RNF212: variants seen among roughly 807,000 people sequenced by gnomAD.
RNF212 encodes probable E3 SUMO-protein ligase RNF212.
A neutral mutation model predicts 34.7 loss-of-function variants in RNF212; 33 were observed. The observed-to-expected ratio is 0.95, with a 90% CI of 0.72 to 1.27. The LOEUF (loss-of-function observed/expected upper bound fraction) is 1.27, where lower values mean the gene tolerates loss of function less well. Ranked by LOEUF, RNF212 falls within the 50% of genes most tolerant of loss-of-function variation. The pLI, the probability that RNF212 is intolerant of heterozygous loss-of-function variation, is 0.00. For synonymous variants in RNF212, 140 were observed against 136.1 expected, an observed-to-expected ratio of 1.03 and a Z score of -0.20; for missense variants, 377 against 362.2, an observed-to-expected ratio of 1.04 and a Z score of -0.33.
intron 4 of RNF212, 39 bp downstream of exon 4, chr4:1,090,743 T>C (rs372117752): frequency 1.0e-5 from 12 of 1,144,370 alleles, no homozygotes; most frequent in Non-Finnish European, 1.6e-5. Context: ...AATCTAAAGG[T>C]CAAAAAAATT....
intron 3 of RNF212, among the ~76,000 whole-genome samples, chr4:1,066,207 G>C (rs867478954): frequency 6.6e-6 from 1 of 151,802 alleles, no homozygotes; most frequent in Non-Finnish European, 1.5e-5. Context: ...ACATGCATGA[G>C]CCACTATACC....
chr4:1,098,027 T>TGCACTCCA (rs1251280489), intron 2 of RNF212, among the ~76,000 whole-genome samples: 1 of 152,186 alleles, frequency 6.6e-6, no homozygotes, highest in African/African-American at 2.4e-5. Flanking sequence ...ATCATGCCAC[T>TGCACTCCA]GCACTCCAGC....
intron 8 of RNF212, among the ~76,000 whole-genome samples, chr4:1,077,889 G>GGTGGGT (rs1719582329): frequency 6.6e-6 from 1 of 152,212 alleles, no homozygotes; most frequent in Admixed American, 6.5e-5. Flanking sequence ...CCGTGTTGCC[G>GGTGGGT]GTGGGTGTGG....
intron 2 of RNF212, among the ~76,000 whole-genome samples, chr4:1,106,727 A>T (rs1724887380): frequency 6.6e-6 from 1 of 152,222 alleles, no homozygotes; most frequent in Non-Finnish European, 1.5e-5. Flanking sequence ...TACAGGGCTT[A>T]GTGCGAGGGT....
intron 3 of RNF212, among the ~76,000 whole-genome samples, 189 bp from the exon 4 acceptor site, chr4:1,091,027 G>C (rs1193240135): frequency 6.6e-6 from 1 of 152,224 alleles, no homozygotes. Context: ...ACACAGGGGA[G>C]GCTTAATGGG....
At chr4:1,060,859 C>A (rs1717703913) in intron 3 of RNF212, among the ~76,000 whole-genome samples, 1 of 152,240 alleles carries the variant, frequency 6.6e-6, no homozygotes, top group South Asian at 2.1e-4. Flanking sequence ...GGCCCGCCTG[C>A]CACTCCAGCA....
At chr4:1,066,079 C>G (rs55852307) in intron 3 of RNF212, among the ~76,000 whole-genome samples, 118,811 of 149,226 alleles carry the variant, frequency 0.8, 47,832 homozygotes, top group African/African-American at 0.89. Context: ...TAATGAGATA[C>G]TATCTTGCTG....
At chr4:1,064,593 T>C (rs1717966227) in intron 3 of RNF212, among the ~76,000 whole-genome samples, 1 of 152,196 alleles carries the variant, frequency 6.6e-6, no homozygotes, top group South Asian at 2.1e-4. Flanking sequence ...CTTTTGTGTG[T>C]GTGCAGAGTT....
chr4:1,093,894 A>C (rs1283948043), intron 3 of RNF212: 6 of 1,535,856 alleles, frequency 3.9e-6, no homozygotes, highest in Non-Finnish European at 5.2e-6. Flanking sequence ...GTGCTGACCC[A>C]GTGTTCTTGG....
intron 4 of RNF212, among the ~76,000 whole-genome samples, chr4:1,088,344 G>C (rs1179273389): frequency 3.3e-5 from 5 of 152,184 alleles, no homozygotes; most frequent in African/African-American, 4.8e-5. Flanking sequence ...CTTTGAACTT[G>C]AAAAAGATGA....
downstream of RNF212, among the ~76,000 whole-genome samples, chr4:1,070,389 C>T (rs1415961662): frequency 1.4e-5 from 2 of 140,952 alleles, no homozygotes; most frequent in South Asian, 2.3e-4. Flanking sequence ...GGGTGCCTGG[C>T]CTGAGTTGTG....
In RNF212 at chr4:1,093,933, G is replaced by A. The variant is rs1277918084; in HGVS notation, c.246+2832C>T. 6 of 1,536,070 alleles carry A rather than the reference G, an allele frequency of 3.9e-6. No homozygotes were observed. The African/African-American group carries it at 4.1e-5, about 11-fold the overall frequency. On this transcript the variant is annotated intron_variant, in intron 3 of 9. Coordinates refer to ENST00000433731, the MANE Select transcript of RNF212 (RefSeq NM_001131034.4). ...TCTCTGGCTGCTGCTTGGCTTCCAT[G>A]GGTCGAGCCTCTGGGCACCTCCTTG...
At position 1,073,648 on chromosome 4, in the gene RNF212, GGCT is replaced by G; in HGVS notation, c.522_524del (p.Ala175del). 1 of 1,611,614 alleles carries G rather than the reference GGCT, an allele frequency of 6.2e-7. No homozygotes were observed. Among genetic ancestry groups the G allele is most frequent in the Non-Finnish European group, 8.5e-7 (1 of 1,178,324 alleles). ...TAATCATGGAGATTCTCGCAGGGCC[GGCT>G]GCTATCTCAGACTAAGAATGCAACA... On this transcript the variant is annotated inframe_deletion, in exon 9 of 10. Transcript: ENST00000433731.
At position 1,079,496 on chromosome 4, in the gene RNF212, T is replaced by A. The variant is rs75149107; in HGVS notation, c.510+147A>T. On this transcript the variant is annotated intron_variant, in intron 8 of 9. Transcript: ENST00000433731. ...AGCTTATAGCCACAGCCCACCCCTC[T>A]CACCCACGGGACCAGCACACGAAGC... is the stretch of plus-strand genomic sequence containing the variant. The A allele has an allele frequency of 1.6e-3, 1,119 of 692,204 alleles. 10 individuals carry two copies. In the African/African-American group the frequency reaches 0.017, roughly 11 times the overall value. 42.9% of individuals were successfully genotyped at this position (692,204 alleles called of 1,614,324 possible).
chr4:1,112,905 C>G (rs1226849961), intron 1 of RNF212, among the ~76,000 whole-genome samples: 1 of 56,006 alleles, frequency 1.8e-5, no homozygotes, highest in East Asian at 5.2e-4. Flanking sequence ...CCACCTCCGG[C>G]GTCCCCTCTT....
At chr4:1,105,138 G>A (rs1248061469) in intron 2 of RNF212, among the ~76,000 whole-genome samples, 5 of 152,316 alleles carry the variant, frequency 3.3e-5, no homozygotes, top group South Asian at 4.1e-4. Flanking sequence ...AGCAACTGGC[G>A]TGTCCATGAC....
chr4:1,113,342 C>CG lies in RNF212; in HGVS notation c.109+13dup, dbSNP rs1726120016. 2 of 1,342,290 alleles carry CG rather than the reference C, an allele frequency of 1.5e-6. No homozygotes were observed. The highest frequency in any genetic ancestry group is 3.6e-5 in the African/African-American group (2 of 55,960). 83.1% of individuals were successfully genotyped at this position (1,342,290 alleles called of 1,614,324 possible). A position where few individuals can be genotyped will look rare whatever the true frequency, so the allele number is the denominator to read the frequency against. ...TCCCCTCCCCTCTCCAGCCTGCGTTCGGGAAGCCCTGACCTTTGCCGAGGC... is the reference window on the plus strand; with the variant it reads ...TCCCCTCCCCTCTCCAGCCTGCGTTCGGGGAAGCCCTGACCTTTGCCGAGGC... On this transcript the variant is annotated intron_variant, in intron 1 of 9. Transcript: ENST00000433731.
rs1215362702 is a variant in RNF212, at chr4:1,072,669, AAT to A, written c.*203_*204del. On this transcript the variant is annotated 3_prime_UTR_variant, in exon 10 of 10. Transcript: ENST00000433731. The stretch of plus-strand genomic sequence containing the variant: ...CCTATAAAATAAAAGGGATAATAAC[AAT>A]ATATATGAGTACATAAAAATATTGT... 1.3e-5 allele frequency: 16 copies of A among 1,208,680 alleles called. No homozygotes were observed. The highest frequency in any genetic ancestry group is 7.3e-5 in the Admixed American group (2 of 27,480). 74.9% of individuals were successfully genotyped at this position (1,208,680 alleles called of 1,614,324 possible). A position where few individuals can be genotyped will look rare whatever the true frequency, so the allele number is the denominator to read the frequency against.
intron 4 of RNF212, among the ~76,000 whole-genome samples, chr4:1,088,695 T>C (rs1721719803): frequency 6.6e-6 from 1 of 152,362 alleles, no homozygotes; most frequent in East Asian, 1.9e-4. Context: ...AGTAGTTTTA[T>C]GGGCCGGGCC....
Sources: allele counts gnomAD v4.1 joint callset (sites outside exome capture counted in the v4.1 genomes callset), GRCh38; gene constraint gnomAD v4.1.1; transcripts MANE v1.5; gene names NCBI Gene and HGNC (gene_info 2026-07-23, HGNC 2026-07-21).